The following CDC14A variants were observed in gnomAD, a reference collection of about 807,000 sequenced individuals.
The protein encoded by CDC14A is cell division cycle 14A, also known as dual specificity protein phosphatase CDC14A.
CDC14A carries 53 observed loss-of-function variants against 74.4 expected under a neutral mutation model. That is an observed-to-expected ratio of 0.71 (90% CI 0.57 to 0.89). The LOEUF (loss-of-function observed/expected upper bound fraction) is 0.89, where lower values mean the gene tolerates loss of function less well. Among genes scored for constraint, CDC14A ranks in the 40% least tolerant of loss-of-function variants. The probability of loss-of-function intolerance (pLI) is 0.00; values close to 1 mark genes in which losing one functional copy is unlikely to be tolerated. For synonymous variants in CDC14A, 247 were observed against 258.4 expected (o/e 0.96, Z 0.43); for missense variants, 646 against 713.7 (o/e 0.91, Z 1.08).
chr1:100,514,451 T>G (rs185070233), intron 15 of CDC14A, among the ~76,000 whole-genome samples: 4 of 152,314 alleles, frequency 2.6e-5, no homozygotes, highest in African/African-American at 9.6e-5. Flanking sequence ...TTTTATTCAC[T>G]CAGAATCATA....
At chr1:100,432,370 C>T (rs866279609) in intron 5 of CDC14A, among the ~76,000 whole-genome samples, 2 of 152,198 alleles carry the variant, frequency 1.3e-5, no homozygotes, top group South Asian at 2.1e-4. Flanking sequence ...CTGAAGTATA[C>T]GGACAATATA....
chr1:100,509,723 G>A (rs780338971), intron 15 of CDC14A, among the ~76,000 whole-genome samples: 1 of 152,228 alleles, frequency 6.6e-6, no homozygotes, highest in Non-Finnish European at 1.5e-5. Flanking sequence ...TTTGGTAAAT[G>A]ACGCAGGCTC....
upstream of CDC14A, among the ~76,000 whole-genome samples, chr1:100,349,051 C>T (rs994203064): frequency 3.3e-5 from 5 of 152,114 alleles, no homozygotes; most frequent in African/African-American, 4.8e-5. Context: ...GAAAATTAAC[C>T]GGCGTGGTGG....
At chr1:100,516,290 A>ATT (rs1252451846) in intron 15 of CDC14A, among the ~76,000 whole-genome samples, 18 of 152,236 alleles carry the variant, frequency 1.2e-4, no homozygotes. Context: ...ATATATGCAC[A>ATT]CACACATATT....
chr1:100,494,961 GT>G (rs1253779956), intron 12 of CDC14A, 31 bp downstream of exon 12: 1 of 1,128,952 alleles, frequency 8.9e-7, no homozygotes, highest in African/African-American at 1.5e-5. Flanking sequence ...TCAATTTATA[GT>G]GTGCTTCCCT....
intron 11 of CDC14A, among the ~76,000 whole-genome samples, chr1:100,493,530 A>C (rs1394520713): frequency 1.3e-5 from 2 of 152,228 alleles, no homozygotes; most frequent in African/African-American, 4.8e-5. Context: ...GATAGAACTG[A>C]ATGGTAAAAC....
intron 5 of CDC14A, among the ~76,000 whole-genome samples, chr1:100,437,555 C>A (rs1664485075): frequency 1.3e-5 from 2 of 152,192 alleles, no homozygotes; most frequent in Admixed American, 1.3e-4. Context: ...TTGTAAACTT[C>A]TCTGTGCCTT....
At chr1:100,511,469 T>C (rs555051247) in intron 15 of CDC14A, among the ~76,000 whole-genome samples, 2 of 152,322 alleles carry the variant, frequency 1.3e-5, no homozygotes, top group Admixed American at 6.5e-5. Context: ...TTAATGATTG[T>C]CCTTACATTG....
chr1:100,389,477 GTA>G (rs533465284), intron 3 of CDC14A, among the ~76,000 whole-genome samples: 1 of 149,846 alleles, frequency 6.7e-6, no homozygotes, highest in Admixed American at 6.7e-5. Flanking sequence ...ATATATATGT[GTA>G]TATATATATA....
At chr1:100,378,530 G>T (rs1214660379) in intron 3 of CDC14A, among the ~76,000 whole-genome samples, 1 of 152,092 alleles carries the variant, frequency 6.6e-6, no homozygotes, top group East Asian at 1.9e-4. Context: ...GATTTGATTG[G>T]TTTTTAATGA....
chr1:100,464,527 A>G (rs1480470948), intron 9 of CDC14A, among the ~76,000 whole-genome samples: 1 of 152,236 alleles, frequency 6.6e-6, no homozygotes, highest in East Asian at 1.9e-4. Flanking sequence ...TTGAGAGCTA[A>G]TGGGAACGTT....
rs775852748 is a variant in CDC14A, at chr1:100,454,049, TA to T, written c.520-1350del. Among the ~76,000 whole-genome samples the T allele has an allele frequency of 4.6e-5, 7 of 152,360 alleles. No individual in the cohort carries two copies. In the East Asian group the frequency reaches 1.2e-3, roughly 25 times the overall value. On this transcript the variant is annotated intron_variant, in intron 7 of 15. Transcript: ENST00000336454. ...TTATAACTGGGAAAAAAATCTGCAT[TA>T]AAAAATGACAATTATATTTTATAGC...
intron 15 of CDC14A, chr1:100,499,527 A>C (rs1648457635): frequency 9.0e-7 from 1 of 1,106,246 alleles, no homozygotes; most frequent in African/African-American, 1.6e-5. Flanking sequence ...TTCTCTTAAA[A>C]GGGAAATAGC....
chr1:100,457,532 C>T (rs1666831119), intron 8 of CDC14A, among the ~76,000 whole-genome samples: 1 of 152,004 alleles, frequency 6.6e-6, no homozygotes, highest in Non-Finnish European at 1.5e-5. Flanking sequence ...GATCATAGCT[C>T]ATTGCAACCT....
At chr1:100,504,104 CAT>C (rs1327049872) in intron 15 of CDC14A, among the ~76,000 whole-genome samples, 2 of 152,110 alleles carry the variant, frequency 1.3e-5, no homozygotes, top group African/African-American at 2.4e-5. Flanking sequence ...CTGTGCATGG[CAT>C]ATATTAGGCA....
At chr1:100,487,586 A>G (rs1312716166) in intron 11 of CDC14A, among the ~76,000 whole-genome samples, 2 of 151,990 alleles carry the variant, frequency 1.3e-5, no homozygotes, top group Non-Finnish European at 2.9e-5. Context: ...AAAACAAAAC[A>G]AAACAAAACA....
intron 10 of CDC14A, among the ~76,000 whole-genome samples, chr1:100,483,684 T>C (rs2101355948): frequency 6.6e-6 from 1 of 152,308 alleles, no homozygotes; most frequent in Middle Eastern, 3.4e-3. Flanking sequence ...AGTTGTGATT[T>C]TGCCTTAATG....
chr1:100,348,969 C>T (rs980885399), upstream of CDC14A, among the ~76,000 whole-genome samples: 2 of 152,018 alleles, frequency 1.3e-5, no homozygotes, highest in East Asian at 1.9e-4. Context: ...CTGAGGCGGG[C>T]GGATTACTTG....
chr1:100,370,490 C>T (rs532665224), intron 2 of CDC14A, among the ~76,000 whole-genome samples: 5 of 152,196 alleles, frequency 3.3e-5, no homozygotes, highest in South Asian at 4.1e-4. Context: ...TTTTTGTATA[C>T]GGTGATAGAT....
Sources: gnomAD v4.1 joint callset for allele counts (sites outside exome capture counted in the v4.1 genomes callset) on GRCh38, gnomAD v4.1.1 for gene constraint, MANE v1.5 for transcripts, NCBI Gene and HGNC (gene_info 2026-07-23, HGNC 2026-07-21) for gene names.